Variants in PRTG observed in about 807,000 individuals in gnomAD.
PRTG encodes protogenin, also known as immunoglobulin superfamily, DCC subclass, member 5.
Under a neutral mutation model 122.5 loss-of-function variants are expected in PRTG, and 67 were observed. The ratio of observed to expected loss-of-function variants is 0.55; its 90% CI spans 0.45 to 0.67. PRTG has a LOEUF of 0.67. Among genes scored for constraint, PRTG ranks in the 30% least tolerant of loss-of-function variants. The pLI is 0.00. For synonymous variants in PRTG, 554 were observed against 501.1 expected, an observed-to-expected ratio of 1.11 and a Z score of -1.41; for missense variants, 1,435 against 1,415.4, an observed-to-expected ratio of 1.01 and a Z score of -0.22.
Position 55,618,068 on chromosome 15 carries a change from C to T in PRTG, c.*1944G>A, listed in dbSNP as rs1595595888. 2 of 152,108 alleles carry T rather than the reference C, an allele frequency of 1.3e-5. No homozygotes were observed. The highest frequency in any genetic ancestry group is 4.8e-5 in the African/African-American group (2 of 41,420). 9.4% of individuals were successfully genotyped at this position (152,108 alleles called of 1,614,324 possible). A position where few individuals can be genotyped will look rare whatever the true frequency, so the allele number is the denominator to read the frequency against. On this transcript the variant is annotated 3_prime_UTR_variant, in exon 20 of 20. Transcript: ENST00000389286. ...TATAAAGGCAGGAGCAGCATTTTTC[C>T]TTGCTGCAGACTGTTCACCTAAAGC...
At chr15:55,629,083 A>C (rs2059211394) in intron 15 of PRTG, 79 bp from the exon 16 acceptor site, 2 of 877,824 alleles carry the variant, frequency 2.3e-6, no homozygotes, top group Non-Finnish European at 1.7e-6. Context: ...ACGTTCCTTT[A>C]TTTTTAAAAA....
At chr15:55,734,732 T>G (rs2031355423) in intron 2 of PRTG, among the ~76,000 whole-genome samples, 1 of 106,016 alleles carries the variant, frequency 9.4e-6, no homozygotes, top group Non-Finnish European at 1.9e-5. Flanking sequence ...AAAAGTAGTT[T>G]CTGAGAACCA....
In PRTG at chr15:55,742,846, G is replaced by A. The variant is rs916088402; in HGVS notation, c.86C>T (p.Pro29Leu). The A allele has an allele frequency of 1.0e-5, 16 of 1,541,124 alleles. No individual in the cohort carries two copies. The highest frequency in any genetic ancestry group is 2.4e-5 in the South Asian group (2 of 83,800). Residue 29 changes from proline to leucine, a missense_variant, in exon 1 of 20, where the codon CCT becomes CTT. Transcript: ENST00000389286. ...RALLLLLLLS[P>L]LPGVWCFSEL... ...GAAGAAAGCGCGCCCACCTGGCAAA[G>A]GACTGAGCAGCAGCAGGAGCAGGAG...
At chr15:55,686,545 T>C (rs1478629801) in intron 2 of PRTG, among the ~76,000 whole-genome samples, 1 of 152,176 alleles carries the variant, frequency 6.6e-6, no homozygotes, top group Non-Finnish European at 1.5e-5. Flanking sequence ...CTTCTCTTCA[T>C]CCCTAACAGT....
rs1299476442 is a variant in PRTG at position 55,683,707 on chromosome 15, A to G, written c.542+80T>C. 11 of 1,184,932 alleles carry G rather than the reference A, an allele frequency of 9.3e-6. No homozygotes were observed. The East Asian group carries it at 2.2e-4, about 24-fold the overall frequency. The allele number at this position is 1,184,932 out of a possible 1,614,324, so 73.4% of individuals were successfully genotyped here. On this transcript the variant is annotated intron_variant, in intron 3 of 19. Coordinates refer to ENST00000389286, the MANE Select transcript of PRTG (RefSeq NM_173814.6). ...GCCCTAAATAAAAATGAGGCCTATAATGGTGTTTCTCCCTATATAATCTCA... is the reference window on the plus strand; with the variant it reads ...GCCCTAAATAAAAATGAGGCCTATAGTGGTGTTTCTCCCTATATAATCTCA...
intron 15 of PRTG, among the ~76,000 whole-genome samples, chr15:55,634,292 CT>C (rs1027808367): frequency 2.0e-5 from 3 of 151,930 alleles, no homozygotes; most frequent in Non-Finnish European, 4.4e-5. Flanking sequence ...TGGTCTCCAA[CT>C]CCTGACCTCA....
chr15:55,639,834 G>T lies in PRTG; in HGVS notation c.2138-6C>A. On this transcript the variant is annotated splice_region_variant and splice_polypyrimidine_tract_variant and intron_variant, in intron 12 of 19. Transcript: ENST00000389286. The stretch of plus-strand genomic sequence containing the variant: ...GACCATGCGATCACGAACAGCTATT[G>T]AGAAAAACAATGTTAATTTACGATA... The T allele has an allele frequency of 6.2e-7, 1 of 1,612,698 alleles. No homozygotes were observed. Among genetic ancestry groups the T allele is most frequent in the Non-Finnish European group, 8.5e-7 (1 of 1,179,358 alleles).
chr15:55,700,100 T>C (rs994094693), intron 2 of PRTG, among the ~76,000 whole-genome samples: 27 of 152,180 alleles, frequency 1.8e-4, no homozygotes, highest in African/African-American at 6.5e-4. Context: ...AGGTTAGACA[T>C]ATACTCTCTG....
At position 55,727,701 on chromosome 15, in the gene PRTG, C is replaced by T. The variant is rs2917842; in HGVS notation, c.397+12681G>A. Among the ~76,000 whole-genome samples, 276 of 152,154 alleles carry T rather than the reference C, an allele frequency of 1.8e-3. 3 individuals carry two copies. Among genetic ancestry groups the T allele is most frequent in the African/African-American group, 6.2e-3 (259 of 41,532 alleles). On this transcript the variant is annotated intron_variant, in intron 2 of 19. Transcript: ENST00000389286. ...GTCCCAGCTACTCGTGAGGCTGAGG[C>T]AGAAGAATCACTTGAACCCAGCGGG...
At chr15:55,678,091 A>T (rs555943665) in intron 7 of PRTG, 47 bp from the exon 8 acceptor site, 2 of 1,255,640 alleles carry the variant, frequency 1.6e-6, no homozygotes, top group South Asian at 2.7e-5. Flanking sequence ...CTAAGAATGA[A>T]TTCAAAATAA....
At chr15:55,669,771 C>G (rs1017323180) in intron 11 of PRTG, among the ~76,000 whole-genome samples, 2 of 152,206 alleles carry the variant, frequency 1.3e-5, no homozygotes, top group African/African-American at 4.8e-5. Context: ...GGTGCGGAAC[C>G]TGCTGTCTAA....
intron 2 of PRTG, among the ~76,000 whole-genome samples, chr15:55,689,210 G>C (rs1428601272): frequency 6.6e-6 from 1 of 152,100 alleles, no homozygotes; most frequent in East Asian, 1.9e-4. Context: ...GGCTTCTATA[G>C]GTTAATCCAC....
intron 2 of PRTG, among the ~76,000 whole-genome samples, chr15:55,730,991 G>A (rs774130237): frequency 1.3e-5 from 2 of 152,120 alleles, no homozygotes; most frequent in Admixed American, 6.5e-5. Flanking sequence ...AGTGAAAGTA[G>A]GCAAGGATTC....
chr15:55,640,747 C>T (rs1410629655), intron 12 of PRTG, among the ~76,000 whole-genome samples: 1 of 151,994 alleles, frequency 6.6e-6, no homozygotes, highest in Non-Finnish European at 1.5e-5. Context: ...CGGTGGCTCA[C>T]GTCTGTAATC....
chr15:55,725,557 C>G (rs182754873), intron 2 of PRTG, among the ~76,000 whole-genome samples: 5 of 151,656 alleles, frequency 3.3e-5, no homozygotes, highest in Admixed American at 3.3e-4. Flanking sequence ...GATCGTGCTA[C>G]TGCCCTCCAG....
chr15:55,645,374 C>G (rs111622136), intron 11 of PRTG, among the ~76,000 whole-genome samples: 40,504 of 124,886 alleles, frequency 0.32, 8,579 homozygotes, highest in Non-Finnish European at 0.47. Context: ...GCGGAGCTTG[C>G]AGTGAGTCGA....
rs1440553373 is a variant in PRTG at position 55,672,638 on chromosome 15, C to CA, written c.1853-6dup. 26 of 1,604,426 alleles carry CA rather than the reference C, an allele frequency of 1.6e-5. No individual in the cohort carries two copies. The highest frequency in any genetic ancestry group is 2.1e-5 in the Non-Finnish European group (25 of 1,175,172). On this transcript the variant is annotated splice_region_variant and splice_polypyrimidine_tract_variant and intron_variant, in intron 10 of 19. Transcript: ENST00000389286. ...GCAACTCTGGAGACTTAGGGGCTAG[C>CA]AAAATTCATCAGAAAATGTATGTAT...
At chr15:55,659,405 T>C (rs867022068) in intron 11 of PRTG, among the ~76,000 whole-genome samples, 2 of 152,156 alleles carry the variant, frequency 1.3e-5, no homozygotes, top group South Asian at 4.1e-4. Context: ...CAGGATCCTT[T>C]GCCTAGTTAA....
In PRTG at chr15:55,664,349, G is replaced by T. The variant is rs573874822; in HGVS notation, c.2041+8096C>A. ...GTAGAGATGGGGTTTCACCATGTTGGCCAAGCTGGTCTTGAACTCCCGACC... is the reference window on the plus strand; with the variant it reads ...GTAGAGATGGGGTTTCACCATGTTGTCCAAGCTGGTCTTGAACTCCCGACC... On this transcript the variant is annotated intron_variant, in intron 11 of 19. Coordinates refer to ENST00000389286, the MANE Select transcript of PRTG (RefSeq NM_173814.6). Among the ~76,000 whole-genome samples, 3 of 152,100 alleles carry T rather than the reference G, an allele frequency of 2.0e-5. No individual in the cohort carries two copies. In the East Asian group the frequency reaches 5.8e-4, roughly 30 times the overall value.
Sources: gnomAD v4.1 joint callset for allele counts (sites outside exome capture counted in the v4.1 genomes callset) on GRCh38, gnomAD v4.1.1 for gene constraint, MANE v1.5 for transcripts, NCBI Gene and HGNC (gene_info 2026-07-23, HGNC 2026-07-21) for gene names.